TGFA: variants seen among roughly 807,000 people sequenced by gnomAD.
The protein encoded by TGFA is transforming growth factor alpha.
TGFA carries 12 observed loss-of-function variants against 21.7 expected under a neutral mutation model. The ratio of observed to expected loss-of-function variants is 0.55; its 90% CI spans 0.35 to 0.90. The LOEUF is 0.90. TGFA is among the 40% of genes least tolerant of loss of function. The pLI is 0.01. For synonymous variants in TGFA, 79 were observed against 88.1 expected (o/e 0.90, Z 0.58); for missense variants, 178 against 210.8 (o/e 0.84, Z 0.96).
At chr2:70,465,503 C>G in intron 3 of TGFA, 113 bp downstream of exon 3, 1 of 1,361,592 alleles carries the variant, frequency 7.3e-7, no homozygotes, top group Non-Finnish European at 1.0e-6. Context: ...TCTGACACAT[C>G]TGGCTCCAGG....
chr2:70,494,314 T>G (rs567275418), intron 2 of TGFA, among the ~76,000 whole-genome samples: 1 of 152,226 alleles, frequency 6.6e-6, no homozygotes, highest in African/African-American at 2.4e-5. Flanking sequence ...TAAGGTAGCA[T>G]AGTCAGAGTT....
chr2:70,539,987 C>T (rs894471786), intron 1 of TGFA, among the ~76,000 whole-genome samples: 1 of 152,278 alleles, frequency 6.6e-6, no homozygotes, highest in Admixed American at 6.5e-5. Flanking sequence ...TGGAGGATTG[C>T]AGGCCTGCCT....
intron 2 of TGFA, among the ~76,000 whole-genome samples, chr2:70,466,415 G>C (rs916326292): frequency 7.9e-5 from 12 of 152,144 alleles, no homozygotes; most frequent in Non-Finnish European, 1.8e-4. Context: ...GCTGAGGCAG[G>C]AGAATGGCGA....
chr2:70,542,738 A>G (rs182740993), intron 1 of TGFA, among the ~76,000 whole-genome samples: 10 of 152,344 alleles, frequency 6.6e-5, no homozygotes, highest in African/African-American at 1.4e-4. Flanking sequence ...TGGCATTGCT[A>G]TAACAACTGT....
At chr2:70,467,212 T>A (rs574321319) in intron 2 of TGFA, among the ~76,000 whole-genome samples, 87 of 152,024 alleles carry the variant, frequency 5.7e-4, no homozygotes, top group South Asian at 2.5e-3. Flanking sequence ...TAAATAATTT[T>A]AAAAAAAAGA....
chr2:70,511,401 G>C (rs868987773), intron 2 of TGFA, among the ~76,000 whole-genome samples: 1 of 152,202 alleles, frequency 6.6e-6, no homozygotes, highest in Non-Finnish European at 1.5e-5. Flanking sequence ...AGCATTGGGA[G>C]TTAGGGGCAC....
intron 2 of TGFA, among the ~76,000 whole-genome samples, chr2:70,485,247 C>G (rs534350709): frequency 3.3e-5 from 5 of 152,070 alleles, no homozygotes; most frequent in East Asian, 1.9e-4. Context: ...CATCCCCCCC[C>G]TTTCTTTTTG....
At chr2:70,465,875 GCTCTCA>G in intron 2 of TGFA, 139 bp from the exon 3 acceptor site, 1 of 1,251,040 alleles carries the variant, frequency 8.0e-7, no homozygotes, top group East Asian at 2.5e-5. Flanking sequence ...ACCCTCCTCA[GCTCTCA>G]CTTACTTTCT....
At position 70,455,564 on chromosome 2, in the gene TGFA, T is replaced by C. The variant is rs553387812; in HGVS notation, c.365+775A>G. Among the ~76,000 whole-genome samples, 24 of 152,340 alleles carry C rather than the reference T, an allele frequency of 1.6e-4. No homozygotes were observed. In the South Asian group the frequency reaches 5.0e-3, roughly 32 times the overall value. On this transcript the variant is annotated intron_variant, in intron 4 of 5. Coordinates refer to ENST00000295400, the MANE Select transcript of TGFA (RefSeq NM_003236.4). The stretch of plus-strand genomic sequence containing the variant: ...TATTAGGTTGGTGCAAAAGTAATTG[T>C]GGTTTTGGCCTTAAAAAGTAATGGT...
At chr2:70,458,737 C>T (rs151315113) in intron 3 of TGFA, among the ~76,000 whole-genome samples, 1 of 152,320 alleles carries the variant, frequency 6.6e-6, no homozygotes, top group East Asian at 1.9e-4. Flanking sequence ...TCCATCCATC[C>T]ATTCTTCCAT....
intron 1 of TGFA, among the ~76,000 whole-genome samples, chr2:70,520,907 A>C (rs1672430416): frequency 6.6e-6 from 1 of 152,026 alleles, no homozygotes; most frequent in Admixed American, 6.6e-5. Flanking sequence ...ACTGATAACT[A>C]GGCAGTCATT....
At chr2:70,469,719 A>C (rs1670678242) in intron 2 of TGFA, among the ~76,000 whole-genome samples, 1 of 152,222 alleles carries the variant, frequency 6.6e-6, no homozygotes, top group Non-Finnish European at 1.5e-5. Flanking sequence ...GGGCTCTTGC[A>C]AAAGTGGAAA....
At chr2:70,510,711 G>T (rs573547216) in intron 2 of TGFA, among the ~76,000 whole-genome samples, 9 of 152,286 alleles carry the variant, frequency 5.9e-5, no homozygotes, top group African/African-American at 2.2e-4. Context: ...AGTTTCCTAT[G>T]ACGCTGGCAT....
At chr2:70,456,905 A>G (rs138712143) in intron 3 of TGFA, among the ~76,000 whole-genome samples, 1 of 152,376 alleles carries the variant, frequency 6.6e-6, no homozygotes, top group East Asian at 1.9e-4. Context: ...ACCTGAAACC[A>G]GTGGAGACAT....
chr2:70,477,981 T>C (rs781783646), intron 2 of TGFA, among the ~76,000 whole-genome samples: 1 of 152,168 alleles, frequency 6.6e-6, no homozygotes, highest in Non-Finnish European at 1.5e-5. Flanking sequence ...TTTCTCTCTT[T>C]CTCTGTCTCT....
intron 3 of TGFA, among the ~76,000 whole-genome samples, chr2:70,460,991 G>A (rs1414275221): frequency 6.6e-6 from 1 of 152,158 alleles, no homozygotes; most frequent in Non-Finnish European, 1.5e-5. Context: ...AATTTAAGTA[G>A]TCCCACTACT....
chr2:70,510,090 A>G (rs1201890251), intron 2 of TGFA, among the ~76,000 whole-genome samples: 6 of 152,024 alleles, frequency 3.9e-5, no homozygotes, highest in Admixed American at 1.3e-4. Context: ...CATGGCAACT[A>G]TTTTCTAAAT....
At chr2:70,454,233 G>C (rs1553490128) in intron 4 of TGFA, among the ~76,000 whole-genome samples, 1 of 152,184 alleles carries the variant, frequency 6.6e-6, no homozygotes, top group Non-Finnish European at 1.5e-5. Flanking sequence ...CTGTTGCTGG[G>C]CTTCTCTCTT....
At chr2:70,490,622 G>C (rs137901413) in intron 2 of TGFA, among the ~76,000 whole-genome samples, 94 of 152,296 alleles carry the variant, frequency 6.2e-4, no homozygotes, top group African/African-American at 1.9e-3. Flanking sequence ...CCAGGGGATA[G>C]AACTTCCAAA....
Sources: allele counts gnomAD v4.1 joint callset (sites outside exome capture counted in the v4.1 genomes callset), GRCh38; gene constraint gnomAD v4.1.1; transcripts MANE v1.5; gene names NCBI Gene and HGNC (gene_info 2026-07-23, HGNC 2026-07-21).